The following VWA2 variants were observed in gnomAD, a reference collection of about 807,000 sequenced individuals.
VWA2 encodes the protein von Willebrand factor A domain-containing protein 2.
A neutral mutation model predicts 70.4 loss-of-function variants in VWA2; 73 were observed. The observed-to-expected ratio is 1.04, with a 90% confidence interval of 0.86 to 1.26. VWA2 has a LOEUF of 1.26. Among genes scored for constraint, VWA2 ranks in the 50% most tolerant of loss-of-function variants. VWA2 has a pLI of 0.00. For synonymous variants in VWA2, 407 were observed against 423.3 expected (o/e 0.96, Z 0.47); for missense variants, 1,011 against 998.5 (o/e 1.01, Z -0.17).
Position 114,288,943 on chromosome 10 carries a change from C to T in VWA2, c.1576C>T (p.Arg526Trp), listed in dbSNP as rs969728576. Residue 526 changes from arginine to tryptophan, a missense_variant, in exon 12 of 14, where the codon CGG becomes TGG. Transcript: ENST00000392982. ...KLCSRQRPGC[R>W]TQALDLVFML... ...CCCTCTGCTTGCTCCTGCAGGGTGC[C>T]GGACACAAGCCCTGGACCTCGTCTT... 5.6e-6 allele frequency: 9 copies of T among 1,604,764 alleles called. No homozygotes were observed. The highest frequency in any genetic ancestry group is 4.5e-5 in the South Asian group (4 of 89,242).
intron 1 of VWA2, among the ~76,000 whole-genome samples, chr10:114,244,855 T>C (rs2037037527): frequency 6.6e-6 from 1 of 152,176 alleles, no homozygotes; most frequent in Non-Finnish European, 1.5e-5. Flanking sequence ...CCTGAAAGGG[T>C]CCCTCTAGCC....
In VWA2 at chr10:114,268,247, C is replaced by G. The variant is rs375301712; in HGVS notation, c.372-4493C>G. On this transcript the variant is annotated intron_variant, in intron 5 of 13. Transcript: ENST00000392982. ...TTTTGATTCTAGCCCTCCCACCCCC[C>G]ACCCCCAAAAGTTCATACATGGCAG... Among the ~76,000 whole-genome samples, 47 of 107,656 alleles carry G rather than the reference C, an allele frequency of 4.4e-4. No individual in the cohort carries two copies. In the East Asian group the frequency reaches 6.4e-3, roughly 15 times the overall value. The allele number at this position is 107,656 out of a possible 152,430, so 70.6% of individuals were successfully genotyped here. A position where few individuals can be genotyped will look rare whatever the true frequency, so the allele number is the denominator to read the frequency against.
At chr10:114,286,751 G>A (rs1389231811) in intron 11 of VWA2, among the ~76,000 whole-genome samples, 1 of 152,218 alleles carries the variant, frequency 6.6e-6, no homozygotes, top group African/African-American at 2.4e-5. Context: ...CAGTGTACAT[G>A]CTTAGTACAG....
chr10:114,278,241 G>A (rs1489819678), intron 7 of VWA2, among the ~76,000 whole-genome samples, 194 bp downstream of exon 7: 4 of 152,124 alleles, frequency 2.6e-5, no homozygotes, highest in Non-Finnish European at 4.4e-5. Flanking sequence ...TGGGAGCCCC[G>A]AGCTTGTCTT....
chr10:114,280,538 C>T lies in VWA2; in HGVS notation c.833+1687C>T, dbSNP rs1047922749. 7.9e-5 allele frequency among the ~76,000 whole-genome samples: 12 copies of T among 152,092 alleles called. 1 individual carries two copies. The East Asian group carries it at 1.2e-3, about 15-fold the overall frequency. The stretch of plus-strand genomic sequence containing the variant: ...GTCCAGACCTGAGGGAGGTGGGGGG[C>T]AAACTGTGTGCAGGTCCCTGCAAAG... On this transcript the variant is annotated intron_variant, in intron 8 of 13. Coordinates refer to ENST00000392982, the MANE Select transcript of VWA2 (RefSeq NM_001272046.2).
rs528434424 is a variant in VWA2, at chr10:114,286,746, T to TA, written c.1570+236dup. ...TGAGAATTAGGTAAGATGGGCAGTG[T>TA]ACATGCTTAGTACAGAGTAAGCACT... On this transcript the variant is annotated intron_variant, in intron 11 of 13. Coordinates refer to ENST00000392982, the MANE Select transcript of VWA2 (RefSeq NM_001272046.2). 7.9e-5 allele frequency among the ~76,000 whole-genome samples: 12 copies of TA among 152,346 alleles called. No homozygotes were observed. The East Asian group carries it at 2.3e-3, about 29-fold the overall frequency.
chr10:114,264,651 C>A (rs2037522597), intron 5 of VWA2, among the ~76,000 whole-genome samples: 1 of 152,050 alleles, frequency 6.6e-6, no homozygotes, highest in Admixed American at 6.5e-5. Flanking sequence ...TATCTCCTGA[C>A]CTCGTGATCT....
At chr10:114,241,443 G>T (rs560731887) in intron 1 of VWA2, among the ~76,000 whole-genome samples, 3 of 152,276 alleles carry the variant, frequency 2.0e-5, no homozygotes, top group African/African-American at 7.2e-5. Flanking sequence ...AATGTCTTAT[G>T]ATTGGAATCA....
At chr10:114,253,864 C>A in intron 3 of VWA2, 139 bp downstream of exon 3, 1 of 808,558 alleles carries the variant, frequency 1.2e-6, no homozygotes, top group East Asian at 2.7e-5. Context: ...TCATTTTCCC[C>A]AAACAGGGAC....
intron 7 of VWA2, 91 bp from the exon 8 acceptor site, chr10:114,278,628 G>T: frequency 6.4e-7 from 1 of 1,568,796 alleles, no homozygotes. Context: ...GAACCTCCCA[G>T]GAGCGGGAGC....
chr10:114,279,764 A>C (rs2037973423), intron 8 of VWA2, among the ~76,000 whole-genome samples: 1 of 152,182 alleles, frequency 6.6e-6, no homozygotes, highest in South Asian at 2.1e-4. Flanking sequence ...ATAAGAAGAC[A>C]GTACAGTTGC....
At chr10:114,266,566 T>C (rs1442076976) in intron 5 of VWA2, among the ~76,000 whole-genome samples, 1 of 152,200 alleles carries the variant, frequency 6.6e-6, no homozygotes, top group African/African-American at 2.4e-5. Flanking sequence ...ACCACCTTAT[T>C]GCTACCTTGC....
rs753770212 is a variant in VWA2 at position 114,272,882 on chromosome 10, C to A, written c.514C>A (p.Gln172Lys). Residue 172 changes from glutamine (Q) to lysine (K), a missense_variant, in exon 6 of 14, where the codon CAG becomes AAG. Physicochemically the swap from Gln to Lys is moderately conservative, Grantham distance 53 (BLOSUM62 1). Coordinates refer to ENST00000392982, the MANE Select transcript of VWA2 (RefSeq NM_001272046.2). Reference protein sequence around the residue: ...SQGDVALPSKQLKERGVTVFA... With the variant: ...SQGDVALPSKKLKERGVTVFA... ...GGGGGATGTGGCACTGCCATCCAAG[C>A]AGCTGAAGGAAAGGGGTGTCACTGT... is the stretch of plus-strand genomic sequence containing the variant. The A allele has an allele frequency of 1.2e-6, 2 of 1,613,776 alleles. No homozygotes were observed. The highest frequency in any genetic ancestry group is 1.1e-5 in the South Asian group (1 of 90,966).
At chr10:114,256,265 AC>A (rs953825088) in intron 4 of VWA2, among the ~76,000 whole-genome samples, 1 of 152,246 alleles carries the variant, frequency 6.6e-6, no homozygotes, top group Non-Finnish European at 1.5e-5. Context: ...GTATATTGAA[AC>A]GCTAGGCAGC....
At chr10:114,283,433 G>A (rs2038446109) in intron 9 of VWA2, among the ~76,000 whole-genome samples, 1 of 152,104 alleles carries the variant, frequency 6.6e-6, no homozygotes, top group Non-Finnish European at 1.5e-5. Flanking sequence ...TTGGGGTTAG[G>A]TGATCCCTTC....
chr10:114,279,484 C>A (rs1385501609), intron 8 of VWA2, among the ~76,000 whole-genome samples: 1 of 152,196 alleles, frequency 6.6e-6, no homozygotes, highest in African/African-American at 2.4e-5. Flanking sequence ...CATTGGTCCT[C>A]CCCCAGCGAT....
intron 1 of VWA2, among the ~76,000 whole-genome samples, chr10:114,241,026 T>C (rs942193469): frequency 2.0e-5 from 3 of 152,298 alleles, no homozygotes; most frequent in African/African-American, 7.2e-5. Flanking sequence ...ATCCGAATCA[T>C]AGTCAGAAGC....
intron 4 of VWA2, among the ~76,000 whole-genome samples, chr10:114,256,635 G>C (rs1158544085): frequency 6.6e-6 from 1 of 152,162 alleles, no homozygotes; most frequent in Non-Finnish European, 1.5e-5. Context: ...GAGAGGCTGT[G>C]CGCGGTGGGT....
intron 8 of VWA2, chr10:114,281,821 G>C: frequency 1.1e-6 from 1 of 888,678 alleles, no homozygotes; most frequent in Non-Finnish European, 1.3e-6. Context: ...ATACAAAGAG[G>C]AAAGTGAAGA....
Sources: gnomAD v4.1 joint callset for allele counts (sites outside exome capture counted in the v4.1 genomes callset) on GRCh38, gnomAD v4.1.1 for gene constraint, MANE v1.5 for transcripts, NCBI Gene and HGNC (gene_info 2026-07-23, HGNC 2026-07-21) for gene names.